Variants in IMPG2 observed in about 807,000 individuals in gnomAD.
IMPG2 encodes IPM 200.
Under a neutral mutation model 129.2 loss-of-function variants are expected in IMPG2, and 91 were observed. That is an observed-to-expected ratio of 0.70 (90% CI 0.59 to 0.84). The LOEUF (loss-of-function observed/expected upper bound fraction) is 0.84. Among genes scored for constraint, IMPG2 ranks in the 40% least tolerant of loss-of-function variants. The pLI is 0.00. For missense variants in IMPG2, 1,430 were observed against 1,461.7 expected, an observed-to-expected ratio of 0.98 and a Z score of 0.35; for synonymous variants, 510 against 517.7, an observed-to-expected ratio of 0.99 and a Z score of 0.20.
At chr3:101,286,527 C>T (rs1559653841) in intron 4 of IMPG2, among the ~76,000 whole-genome samples, 1 of 152,140 alleles carries the variant, frequency 6.6e-6, no homozygotes, top group Non-Finnish European at 1.5e-5. Context: ...CTCTCTTCCC[C>T]TTGGCATCTT....
At chr3:101,250,295 G>A (rs1706530094) in intron 11 of IMPG2, among the ~76,000 whole-genome samples, 2 of 152,146 alleles carry the variant, frequency 1.3e-5, no homozygotes, top group Admixed American at 1.3e-4. Flanking sequence ...CAGAGAAATG[G>A]AAGACAACAA....
At chr3:101,254,723 AG>A (rs1360238280) in intron 10 of IMPG2, among the ~76,000 whole-genome samples, 1 of 152,114 alleles carries the variant, frequency 6.6e-6, no homozygotes, top group Non-Finnish European at 1.5e-5. Flanking sequence ...CACAAGATCA[AG>A]GAGTGATGTG....
chr3:101,289,108 A>G (rs562783408), intron 4 of IMPG2, among the ~76,000 whole-genome samples: 1 of 152,330 alleles, frequency 6.6e-6, no homozygotes, highest in African/African-American at 2.4e-5. Context: ...TTCATTCATC[A>G]GGATCCTACA....
rs1452726630 is a variant in IMPG2, at chr3:101,244,277, G to A, written c.2054C>T (p.Pro685Leu). Reference sequence around the variant, plus strand: ...AGTATCTGCGAAGATGGGCACAGCAGGCCCACTAAGAGGCTCTTCCTCTGG... The same window carrying A: ...AGTATCTGCGAAGATGGGCACAGCAAGCCCACTAAGAGGCTCTTCCTCTGG... ...HFPEEEPLSG[P>L]AVPIFADTAA... The change falls in exon 13 of 19, where the codon CCT (proline) becomes CTT (leucine). Residue 685 changes from proline to leucine, a missense_variant. By Grantham distance (98) the Pro-to-Leu change is moderately conservative. Transcript: ENST00000193391. The A allele has an allele frequency of 4.3e-6, 7 of 1,613,880 alleles. No individual in the cohort carries two copies. The Admixed American group carries it at 5.0e-5, about 12-fold the overall frequency.
chr3:101,235,037 C>T (rs1450894287), intron 14 of IMPG2, among the ~76,000 whole-genome samples: 1 of 152,176 alleles, frequency 6.6e-6, no homozygotes, highest in Non-Finnish European at 1.5e-5. Flanking sequence ...TCATATATAC[C>T]TTATACACAT....
At chr3:101,231,276 T>C in intron 15 of IMPG2, 131 bp from the exon 16 acceptor site, 1 of 851,722 alleles carries the variant, frequency 1.2e-6, no homozygotes, top group Non-Finnish European at 2.0e-6. Flanking sequence ...TCATAAAGAG[T>C]TGAATAGACA....
intron 2 of IMPG2, among the ~76,000 whole-genome samples, chr3:101,304,885 T>G (rs1048714822): frequency 2.0e-5 from 3 of 151,958 alleles, no homozygotes; most frequent in African/African-American, 7.2e-5. Context: ...ATTCAAACTT[T>G]TCCTCAAAGC....
chr3:101,305,669 GA>G (rs969144367), intron 2 of IMPG2, among the ~76,000 whole-genome samples: 32 of 151,552 alleles, frequency 2.1e-4, no homozygotes, highest in African/African-American at 6.1e-4. Flanking sequence ...ATTAATTTAA[GA>G]AAAAAAAATA....
Position 101,244,503 on chromosome 3 carries a change from C to T in IMPG2, c.1828G>A (p.Asp610Asn). The T allele has an allele frequency of 6.2e-7, 1 of 1,610,852 alleles. No homozygotes were observed. The change falls in exon 13 of 19, where the codon GAT (aspartate) becomes AAT (asparagine). Residue 610 changes from aspartate (D) to asparagine (N), a missense_variant. Asp to Asn is a conservative substitution (Grantham distance 23). Coordinates refer to ENST00000193391, the MANE Select transcript of IMPG2 (RefSeq NM_016247.4). ...TCACTCCATGGCCAAGTAATCAGAT[C>T]TACCTTTTGCCCAGACCCTGAACCT... is the stretch of plus-strand genomic sequence containing the variant. The part of the protein sequence containing the change: ...GLGSGSGQKV[D>N]LITWPWSETS...
intron 4 of IMPG2, among the ~76,000 whole-genome samples, chr3:101,285,996 T>A (rs1230678698): frequency 6.6e-6 from 1 of 152,242 alleles, no homozygotes; most frequent in South Asian, 2.1e-4. Context: ...ATGTAAAATA[T>A]CCTAATAATT....
intron 15 of IMPG2, 82 bp downstream of exon 15, chr3:101,232,698 TC>T: frequency 1.8e-6 from 2 of 1,115,292 alleles, no homozygotes; most frequent in Non-Finnish European, 2.7e-6. Flanking sequence ...ATAATAAGTA[TC>T]CTAAAATTAT....
chr3:101,260,020 T>G (rs1040514682), intron 9 of IMPG2, among the ~76,000 whole-genome samples: 4 of 152,070 alleles, frequency 2.6e-5, no homozygotes, highest in Admixed American at 6.6e-5. Flanking sequence ...TCTTTTATGG[T>G]TTGGTAAGCA....
chr3:101,244,864 G>T, intron 12 of IMPG2, 77 bp from the exon 13 acceptor site: 1 of 1,274,576 alleles, frequency 7.8e-7, no homozygotes, highest in Non-Finnish European at 1.1e-6. Context: ...AAAACTAGTT[G>T]CCTGTTTTTT....
intron 12 of IMPG2, 112 bp downstream of exon 12, chr3:101,245,690 T>C (rs1576749043): frequency 5.2e-6 from 5 of 970,832 alleles, no homozygotes; most frequent in Non-Finnish European, 8.3e-6. Flanking sequence ...CAAGACATTT[T>C]CCCCCTAATG....
intron 9 of IMPG2, among the ~76,000 whole-genome samples, chr3:101,262,911 G>T (rs1287040113): frequency 6.6e-6 from 1 of 151,616 alleles, no homozygotes; most frequent in East Asian, 1.9e-4. Context: ...ACCATGCTCA[G>T]ACAAAACAGA....
intron 3 of IMPG2, among the ~76,000 whole-genome samples, chr3:101,296,611 A>G (rs1185538140): frequency 2.0e-5 from 3 of 151,932 alleles, no homozygotes; most frequent in South Asian, 2.1e-4. Flanking sequence ...TTCCTTTTCA[A>G]TTGTTTGCAA....
intron 9 of IMPG2, among the ~76,000 whole-genome samples, chr3:101,260,296 C>T (rs1379126510): frequency 6.6e-6 from 1 of 152,126 alleles, no homozygotes; most frequent in Non-Finnish European, 1.5e-5. Flanking sequence ...CTTTGACACC[C>T]TGATGCTCTA....
At position 101,291,527 on chromosome 3, in the gene IMPG2, T is replaced by C. The variant is rs1030732882; in HGVS notation, c.502-17A>G. On this transcript the variant is annotated splice_polypyrimidine_tract_variant and intron_variant, in intron 3 of 18. Transcript: ENST00000193391. ...AGTCAGTTTCTAAGGAAAACAAAGA[T>C]ATAAAAATGACTGAGTTAACAACAG... 4 of 1,604,466 alleles carry C rather than the reference T, an allele frequency of 2.5e-6. No individual in the cohort carries two copies. The highest frequency in any genetic ancestry group is 4.5e-5 in the East Asian group (2 of 44,814).
chr3:101,247,939 G>A (rs545674465), intron 11 of IMPG2, among the ~76,000 whole-genome samples: 19 of 152,240 alleles, frequency 1.2e-4, no homozygotes, highest in South Asian at 1.2e-3. Flanking sequence ...ATGCTGAATC[G>A]AACCTCCTCC....
Sources: gnomAD v4.1 joint callset for allele counts (sites outside exome capture counted in the v4.1 genomes callset) on GRCh38, gnomAD v4.1.1 for gene constraint, MANE v1.5 for transcripts, NCBI Gene and HGNC (gene_info 2026-07-23, HGNC 2026-07-21) for gene names.